The following IMMP2L variants were observed in gnomAD, a reference collection of about 807,000 sequenced individuals.
IMMP2L encodes mitochondrial inner membrane protease subunit 2.
IMMP2L carries 18 observed loss-of-function variants against 19.3 expected under a neutral mutation model. The ratio of observed to expected loss-of-function variants is 0.93; its 90% CI spans 0.64 to 1.38. The LOEUF is 1.38. Ranked by LOEUF, IMMP2L falls within the 40% of genes most tolerant of loss-of-function variation. IMMP2L has a pLI of 0.00. For synonymous variants in IMMP2L, 76 were observed against 73.0 expected, an observed-to-expected ratio of 1.04 and a Z score of -0.21; for missense variants, 233 against 218.2, an observed-to-expected ratio of 1.07 and a Z score of -0.43.
At chr7:111,187,543 G>C (rs1808405764) in intron 3 of IMMP2L, among the ~76,000 whole-genome samples, 1 of 152,084 alleles carries the variant, frequency 6.6e-6, no homozygotes, top group African/African-American at 2.4e-5. Context: ...TCATAGTATG[G>C]AGCCTGTTGG....
intron 3 of IMMP2L, among the ~76,000 whole-genome samples, chr7:111,330,333 A>G (rs1825749888): frequency 6.6e-6 from 1 of 151,868 alleles, no homozygotes; most frequent in South Asian, 2.1e-4. Context: ...GTCAAAGAGA[A>G]AGTGGCTGAA....
intron 3 of IMMP2L, among the ~76,000 whole-genome samples, chr7:111,114,999 A>G (rs923080264): frequency 3.2e-4 from 48 of 152,128 alleles, no homozygotes; most frequent in South Asian, 8.3e-4. Context: ...TATAACCTGA[A>G]GCAAATTTTC....
intron 5 of IMMP2L, among the ~76,000 whole-genome samples, chr7:110,749,268 G>A (rs1469663092): frequency 1.3e-5 from 2 of 152,176 alleles, no homozygotes; most frequent in South Asian, 2.1e-4. Flanking sequence ...AGGATGTGGA[G>A]AAATAGGAAC....
At chr7:110,826,465 A>C (rs2131362191) in intron 5 of IMMP2L, among the ~76,000 whole-genome samples, 1 of 152,322 alleles carries the variant, frequency 6.6e-6, no homozygotes, top group South Asian at 2.1e-4. Flanking sequence ...AGACTGGATT[A>C]AGAAAATGTG....
At chr7:111,262,200 T>A (rs1010874828) in intron 3 of IMMP2L, among the ~76,000 whole-genome samples, 1 of 151,990 alleles carries the variant, frequency 6.6e-6, no homozygotes, top group African/African-American at 2.4e-5. Flanking sequence ...AAACAATCTA[T>A]AAACAAGATA....
At chr7:111,100,331 A>G (rs1797836741) in intron 3 of IMMP2L, among the ~76,000 whole-genome samples, 2 of 150,774 alleles carry the variant, frequency 1.3e-5, no homozygotes, top group African/African-American at 4.9e-5. Context: ...ATGCAGAAGC[A>G]TCTAACAACA....
chr7:110,965,722 G>A (rs879115872), intron 3 of IMMP2L, among the ~76,000 whole-genome samples: 6 of 151,834 alleles, frequency 4.0e-5, no homozygotes, highest in Admixed American at 3.3e-4. Flanking sequence ...TTCAGCCTCA[G>A]TGGTCATCAA....
intron 5 of IMMP2L, among the ~76,000 whole-genome samples, chr7:110,793,961 A>C (rs1434268592): frequency 2.0e-5 from 3 of 152,156 alleles, no homozygotes. Flanking sequence ...ACAAGTTACC[A>C]CTACATAACT....
At chr7:110,997,184 G>C (rs1199249256) in intron 3 of IMMP2L, among the ~76,000 whole-genome samples, 1 of 151,948 alleles carries the variant, frequency 6.6e-6, no homozygotes, top group African/African-American at 2.4e-5. Flanking sequence ...TACTCAGCAG[G>C]ATCCCTTTAA....
chr7:110,706,327 C>T (rs1004939909), intron 5 of IMMP2L, among the ~76,000 whole-genome samples: 1 of 152,136 alleles, frequency 6.6e-6, no homozygotes, highest in South Asian at 2.1e-4. Context: ...TGGTCTTGAA[C>T]TCCAGGGCCC....
intron 3 of IMMP2L, among the ~76,000 whole-genome samples, chr7:111,242,433 C>CA (rs1815198859): frequency 6.6e-6 from 1 of 152,018 alleles, no homozygotes; most frequent in Non-Finnish European, 1.5e-5. Context: ...AACTCCAGAG[C>CA]ACAAAAGAGA....
intron 3 of IMMP2L, among the ~76,000 whole-genome samples, chr7:111,100,314 A>T (rs1797835172): frequency 6.6e-6 from 1 of 150,952 alleles, no homozygotes; most frequent in Non-Finnish European, 1.5e-5. Context: ...GAAGCATTTG[A>T]CTTTTTATGC....
At chr7:111,431,304 C>T (rs1351133361) in intron 3 of IMMP2L, among the ~76,000 whole-genome samples, 4 of 151,852 alleles carry the variant, frequency 2.6e-5, no homozygotes, top group South Asian at 2.1e-4. Context: ...TAATGAACTT[C>T]GGACTTTCCC....
At chr7:111,507,191 G>A (rs752416694) in intron 2 of IMMP2L, among the ~76,000 whole-genome samples, 4 of 152,102 alleles carry the variant, frequency 2.6e-5, no homozygotes, top group Non-Finnish European at 5.9e-5. Context: ...TCTACCCGAG[G>A]CTATTTCTTA....
chr7:110,917,770 A>G (rs1034868378), intron 4 of IMMP2L, among the ~76,000 whole-genome samples: 19 of 152,202 alleles, frequency 1.2e-4, no homozygotes, highest in African/African-American at 4.3e-4. Flanking sequence ...TATCTACTCA[A>G]AAATAAATTA....
intron 5 of IMMP2L, among the ~76,000 whole-genome samples, chr7:110,667,070 C>A (rs1185111853): frequency 6.6e-6 from 1 of 152,124 alleles, no homozygotes. Context: ...AGGGGTTTCA[C>A]CGTGTTAGCC....
At chr7:110,940,318 CAAA>C (rs3051992) in intron 4 of IMMP2L, among the ~76,000 whole-genome samples, 76 of 127,570 alleles carry the variant, frequency 6.0e-4, no homozygotes, top group Non-Finnish European at 6.5e-4. Flanking sequence ...GACTCCATCT[CAAA>C]AAAAAAAAAA....
intron 5 of IMMP2L, among the ~76,000 whole-genome samples, chr7:110,730,502 G>A (rs984096222): frequency 2.6e-5 from 4 of 152,130 alleles, no homozygotes; most frequent in African/African-American, 7.2e-5. Context: ...GGTTTTGGGA[G>A]TTGGACTGGC....
Position 111,559,716 on chromosome 7 carries a change from G to T in IMMP2L, c.-3+2135C>A, listed in dbSNP as rs867743527. On this transcript the variant is annotated intron_variant, in intron 1 of 5. Transcript: ENST00000405709. ...GGTGACCACATAGAAAAACAGGGAG[G>T]GAAATTTAAAAGTAAGTACTTCTAT... 1.5e-4 allele frequency among the ~76,000 whole-genome samples: 23 copies of T among 152,092 alleles called. No individual in the cohort carries two copies. In the Middle Eastern group the frequency reaches 0.017, roughly 112 times the overall value.
Sources: gnomAD v4.1 joint callset for allele counts (sites outside exome capture counted in the v4.1 genomes callset) on GRCh38, gnomAD v4.1.1 for gene constraint, MANE v1.5 for transcripts, NCBI Gene and HGNC (gene_info 2026-07-23, HGNC 2026-07-21) for gene names.